The following LCORL variants were observed in gnomAD, a reference collection of about 807,000 sequenced individuals.
LCORL encodes ligand-dependent nuclear receptor corepressor-like protein.
Under a neutral mutation model 141.8 loss-of-function variants are expected in LCORL, and 41 were observed. That is an observed-to-expected ratio of 0.29 (90% CI 0.23 to 0.38). LCORL has a LOEUF of 0.38. Ranked by LOEUF, LCORL falls within the 10% of genes least tolerant of loss-of-function variation. The pLI, the probability that LCORL is intolerant of heterozygous loss-of-function variation, is 1.00. For synonymous variants in LCORL, 618 were observed against 694.1 expected (o/e 0.89, Z 1.72); for missense variants, 1,759 against 2,035.0 (o/e 0.86, Z 2.61).
intron 1 of LCORL, among the ~76,000 whole-genome samples, chr4:18,005,043 G>A (rs937931796): frequency 7.9e-5 from 12 of 151,802 alleles, no homozygotes; most frequent in African/African-American, 1.7e-4. Context: ...GCAGCCTCCC[G>A]AGTAGCTGGG....
chr4:17,884,428 T>C lies in LCORL; in HGVS notation c.776+1640A>G. 6.5e-7 allele frequency: 1 copy of C among 1,550,178 alleles called. No individual in the cohort carries two copies. Among genetic ancestry groups the C allele is most frequent in the Non-Finnish European group, 8.7e-7 (1 of 1,146,244 alleles). On this transcript the variant is annotated intron_variant, in intron 6 of 7. Coordinates refer to ENST00000635767, the Ensembl canonical transcript of LCORL. This position sits in a 1 kb window ranked among gnomAD's most constrained non-coding sequence, Gnocchi z 4.4. The stretch of plus-strand genomic sequence containing the variant: ...GGAATTTTATTTCTGAGGTTTCAAG[T>C]AGATTGAGTTTACTTTTTTCTGTGC...
chr4:18,004,185 T>C (rs890479602), intron 1 of LCORL, among the ~76,000 whole-genome samples: 4 of 152,370 alleles, frequency 2.6e-5, no homozygotes, highest in East Asian at 1.9e-4. Flanking sequence ...TCAGTCTATA[T>C]ATACTGACTC....
chr4:17,902,248 T>C (rs546799385), intron 5 of LCORL, among the ~76,000 whole-genome samples: 1 of 152,198 alleles, frequency 6.6e-6, no homozygotes, highest in Non-Finnish European at 1.5e-5. Context: ...CATTAAAGGA[T>C]TTTCAGCAGG....
intron 1 of LCORL, 116 bp from the exon 2 acceptor site, chr4:17,973,001 T>C (rs555336460): frequency 2.5e-4 from 105 of 428,418 alleles, no homozygotes; most frequent in Non-Finnish European, 7.3e-5. Context: ...TAAATATTTT[T>C]CCTCTAGCTG....
intron 4 of LCORL, among the ~76,000 whole-genome samples, chr4:17,949,398 G>A (rs1183357381): frequency 1.3e-5 from 2 of 152,056 alleles, no homozygotes; most frequent in Non-Finnish European, 2.9e-5. Context: ...TTATTATAAT[G>A]CGTCCTTGAC....
chr4:17,874,551 A>G (rs1726713693), exon 7 of LCORL: 2 of 1,233,716 alleles, frequency 1.6e-6, no homozygotes, highest in African/African-American at 3.1e-5. Context: ...ACAAGTTTCC[A>G]AAGGGCTTGC....
At chr4:17,893,259 G>C (rs1729386690) in intron 5 of LCORL, 1 of 490,708 alleles carries the variant, frequency 2.0e-6, no homozygotes, top group Non-Finnish European at 2.6e-6. Flanking sequence ...TTCACTTCTA[G>C]GAATTTGTCC....
chr4:17,997,627 T>C (rs1278815211), intron 1 of LCORL, among the ~76,000 whole-genome samples: 1 of 152,136 alleles, frequency 6.6e-6, no homozygotes, highest in Non-Finnish European at 1.5e-5. Context: ...TTTAAAGTTT[T>C]ATTGAGCTCC....
At chr4:17,958,544 G>A (rs1203160372) in intron 4 of LCORL, among the ~76,000 whole-genome samples, 1 of 151,904 alleles carries the variant, frequency 6.6e-6, no homozygotes, top group African/African-American at 2.4e-5. Context: ...CTGTAAACAA[G>A]GCATTTTATA....
chr4:17,996,517 A>G (rs1455873735), intron 1 of LCORL, among the ~76,000 whole-genome samples: 1 of 152,110 alleles, frequency 6.6e-6, no homozygotes, highest in African/African-American at 2.4e-5. Flanking sequence ...GAAGACTGAT[A>G]GTGAGTGAAA....
intron 4 of LCORL, chr4:17,912,186 CT>C: frequency 3.2e-6 from 3 of 932,446 alleles, no homozygotes; most frequent in Non-Finnish European, 3.5e-6. Context: ...CTGCTGATGA[CT>C]TTAGAGTCAA....
At chr4:18,002,173 T>C (rs2109831533) in intron 1 of LCORL, among the ~76,000 whole-genome samples, 1 of 152,312 alleles carries the variant, frequency 6.6e-6, no homozygotes, top group South Asian at 2.1e-4. Context: ...TACCCATTAG[T>C]TACATCACTG....
At chr4:18,002,785 C>T (rs1722178978) in intron 1 of LCORL, among the ~76,000 whole-genome samples, 1 of 151,926 alleles carries the variant, frequency 6.6e-6, no homozygotes, top group Non-Finnish European at 1.5e-5. Context: ...AAAACTCAGC[C>T]CAAGTCTTCA....
At chr4:17,846,248 T>A in intron 7 of LCORL, among the ~76,000 whole-genome samples, 1 of 152,098 alleles carries the variant, frequency 6.6e-6, no homozygotes, top group Non-Finnish European at 1.5e-5. Flanking sequence ...AGAGCCACTT[T>A]GAGAAAAAAA....
intron 4 of LCORL, among the ~76,000 whole-genome samples, chr4:17,940,426 T>G (rs759146080): frequency 6.8e-6 from 1 of 148,092 alleles, no homozygotes; most frequent in African/African-American, 2.5e-5. Context: ...AATAGTTTTA[T>G]ATTACTATAA....
chr4:17,876,022 GAAC>G (rs113825866), exon 7 of LCORL: 75 of 1,231,054 alleles, frequency 6.1e-5, no homozygotes, highest in Middle Eastern at 3.1e-4. Context: ...TCAGAAGGGA[GAAC>G]AACATTTGAA....
chr4:17,875,374 C>G (rs1726809241), exon 7 of LCORL: 2 of 1,231,324 alleles, frequency 1.6e-6, no homozygotes, highest in African/African-American at 1.6e-5. Context: ...ATCTCACTTT[C>G]AGTAGTCAAG....
At chr4:17,994,740 C>T (rs1446401311) in intron 1 of LCORL, among the ~76,000 whole-genome samples, 1 of 151,394 alleles carries the variant, frequency 6.6e-6, no homozygotes, top group Admixed American at 6.6e-5. Flanking sequence ...AAAAGAGTTG[C>T]GCCCTCAACT....
At chr4:17,846,582 G>GA (rs1388196591) in intron 7 of LCORL, among the ~76,000 whole-genome samples, 1 of 152,048 alleles carries the variant, frequency 6.6e-6, no homozygotes, top group Non-Finnish European at 1.5e-5. Flanking sequence ...TTTTTCTGTT[G>GA]AAAAAAATTT....
Sources: gnomAD v4.1 joint callset for allele counts (sites outside exome capture counted in the v4.1 genomes callset) on GRCh38, gnomAD v4.1.1 for gene constraint, Gnocchi (gnomAD v3.1) non-coding constraint, MANE v1.5 for transcripts, NCBI Gene and HGNC (gene_info 2026-07-23, HGNC 2026-07-21) for gene names.